The following MAP3K15 variants were observed in gnomAD, a reference collection of about 807,000 sequenced individuals.
MAP3K15 encodes the protein mitogen-activated protein kinase kinase kinase 15.
A neutral mutation model predicts 99.5 loss-of-function variants in MAP3K15; 124 were observed. The observed-to-expected ratio is 1.25, with a 90% CI of 1.08 to 1.45. The LOEUF is 1.45. Among genes scored for constraint, MAP3K15 ranks in the 40% most tolerant of loss-of-function variants. MAP3K15 has a pLI of 0.00. For synonymous variants in MAP3K15, 494 were observed against 439.6 expected (o/e 1.12, Z -1.55); for missense variants, 1,242 against 1,079.7 (o/e 1.15, Z -2.11).
At chrX:19,383,273 G>A (rs1271096351) in intron 18 of MAP3K15, among the ~76,000 whole-genome samples, 1 of 112,023 alleles carries the variant, frequency 8.9e-6, no homozygotes, top group Non-Finnish European at 1.9e-5. Context: ...TCTCTCCATG[G>A]AAATAACTGG....
At chrX:19,377,889 GA>G (rs1405463078) in intron 19 of MAP3K15, among the ~76,000 whole-genome samples, 1 of 112,410 alleles carries the variant, frequency 8.9e-6, no homozygotes, top group African/African-American at 3.2e-5. Context: ...GCAGGTATCA[GA>G]AGACTCTTGT....
chrX:19,456,792 CA>C (rs2064096441), intron 6 of MAP3K15, 120 bp downstream of exon 6: 1 of 468,266 alleles, frequency 2.1e-6, no homozygotes, highest in African/African-American at 2.4e-5. Flanking sequence ...GGACCTTGTC[CA>C]TCTTCATAAC....
chrX:19,382,986 A>G (rs774413968), intron 18 of MAP3K15, among the ~76,000 whole-genome samples: 2 of 111,877 alleles, frequency 1.8e-5, no homozygotes, highest in Non-Finnish European at 3.8e-5. Flanking sequence ...GAGGAAGCGG[A>G]GACCTGCTGT....
At chrX:19,426,124 A>G in intron 8 of MAP3K15, 107 bp downstream of exon 8, 1 of 443,532 alleles carries the variant, frequency 2.3e-6, no homozygotes. Context: ...TCTGTCTCAA[A>G]AAAAGAATAG....
intron 13 of MAP3K15, among the ~76,000 whole-genome samples, chrX:19,402,714 G>T (rs1258461425): frequency 1.8e-5 from 2 of 111,489 alleles, no homozygotes; most frequent in Non-Finnish European, 3.8e-5. Flanking sequence ...ACCTAGCCTG[G>T]AGTGCAGTGG....
intron 18 of MAP3K15, among the ~76,000 whole-genome samples, chrX:19,380,492 G>C (rs181142456): frequency 8.9e-6 from 1 of 111,775 alleles, no homozygotes; most frequent in Non-Finnish European, 1.9e-5. Flanking sequence ...ACAAATGGCA[G>C]ATGGAGTCTT....
chrX:19,429,574 T>TATCAAC (rs2063861749), intron 7 of MAP3K15, among the ~76,000 whole-genome samples: 1 of 109,780 alleles, frequency 9.1e-6, no homozygotes, highest in Non-Finnish European at 1.9e-5. Context: ...GAGTCTGAAA[T>TATCAAC]ATCAACATCA....
At chrX:19,371,678 T>A in intron 22 of MAP3K15, 148 bp from the exon 23 acceptor site, 1 of 503,700 alleles carries the variant, frequency 2.0e-6, no homozygotes, top group Non-Finnish European at 3.2e-6. Flanking sequence ...CTCCATAACC[T>A]TCCTGTCAGG....
In MAP3K15 at chrX:19,506,261, G is replaced by A. The variant is rs1335884671; in HGVS notation, c.361+8640C>T. ...ATTTTTGTATTATTAGTAGAGACGG[G>A]GTTTTGCTATGTTGACCAGGCTGCT... On this transcript the variant is annotated intron_variant, in intron 1 of 28. Transcript: ENST00000338883. 2.7e-5 allele frequency among the ~76,000 whole-genome samples: 3 copies of A among 110,754 alleles called. No individual in the cohort carries two copies. The East Asian group carries it at 8.6e-4, about 32-fold the overall frequency.
chrX:19,507,342 T>G (rs192709897), intron 1 of MAP3K15, among the ~76,000 whole-genome samples: 37 of 109,979 alleles, frequency 3.4e-4, no homozygotes, highest in African/African-American at 1.2e-3. Flanking sequence ...TTCCTGCAAC[T>G]TGCCTCAAGT....
At chrX:19,415,301 C>G (rs369112652) in intron 9 of MAP3K15, 44 bp from the exon 10 acceptor site, 46 of 1,079,921 alleles carry the variant, frequency 4.3e-5, no homozygotes, top group Non-Finnish European at 5.3e-5. Flanking sequence ...CCTAAAGAAA[C>G]TGAATTCAAT....
intron 9 of MAP3K15, among the ~76,000 whole-genome samples, chrX:19,420,024 G>C (rs2063769736): frequency 9.0e-6 from 1 of 111,544 alleles, no homozygotes; most frequent in Admixed American, 9.6e-5. Context: ...AGAATCTCTG[G>C]GACACATTCA....
chrX:19,458,820 A>G (rs1357451670), intron 5 of MAP3K15, among the ~76,000 whole-genome samples: 1 of 112,228 alleles, frequency 8.9e-6, no homozygotes, highest in African/African-American at 3.2e-5. Flanking sequence ...CATCACTTCA[A>G]TTTAAAGACT....
chrX:19,415,659 T>C (rs1304209860), intron 9 of MAP3K15, among the ~76,000 whole-genome samples: 1 of 111,402 alleles, frequency 9.0e-6, no homozygotes, highest in Admixed American at 9.6e-5. Flanking sequence ...TTGGAAAATG[T>C]TCTGGAGACG....
chrX:19,466,073 C>G (rs2064167123), intron 3 of MAP3K15, among the ~76,000 whole-genome samples: 1 of 110,544 alleles, frequency 9.0e-6, no homozygotes, highest in Admixed American at 9.7e-5. Flanking sequence ...CCTGCCTTGG[C>G]CTCCCAAAGG....
rs7059190 is a variant in MAP3K15 at position 19,471,311 on chromosome X, T to C, written c.526-6905A>G. Reference sequence around the variant, plus strand: ...TGGAGTTTCACTCTTGTTGCCCAGGTTGGAGTGCAATGGCACGATCTTGGA... The same window carrying C: ...TGGAGTTTCACTCTTGTTGCCCAGGCTGGAGTGCAATGGCACGATCTTGGA... On this transcript the variant is annotated intron_variant, in intron 3 of 28. Coordinates refer to ENST00000338883, the MANE Select transcript of MAP3K15 (RefSeq NM_001001671.4). Among the ~76,000 whole-genome samples, 590 of 109,479 alleles carry C rather than the reference T, an allele frequency of 5.4e-3. 5 individuals are homozygous for C. The highest frequency in any genetic ancestry group is 0.019 in the African/African-American group (558 of 30,151).
Position 19,415,260 on chromosome X carries a change from G to A in MAP3K15, c.1440-3C>T. On this transcript the variant is annotated splice_polypyrimidine_tract_variant and splice_region_variant and intron_variant, in intron 9 of 28. Coordinates refer to ENST00000338883, the MANE Select transcript of MAP3K15 (RefSeq NM_001001671.4). ...TCTGAACTAATGATCGCAGGTACCT[G>A]GAAAAATCACAAACAGCAATATATT... 9 of 1,158,991 alleles carry A rather than the reference G, an allele frequency of 7.8e-6. No homozygotes were observed. The highest frequency in any genetic ancestry group is 9.1e-6 in the Non-Finnish European group (8 of 874,882).
intron 11 of MAP3K15, among the ~76,000 whole-genome samples, chrX:19,411,678 G>C (rs916166955): frequency 9.1e-6 from 1 of 110,367 alleles, no homozygotes; most frequent in African/African-American, 3.3e-5. Flanking sequence ...AAGCTAAAGT[G>C]GGGGAAGAAG....
In MAP3K15 at chrX:19,444,690, C is replaced by T. The variant is rs140107515; in HGVS notation, c.995+12223G>A. ...CTACAAGAAACTAAAATTAAATTCT[C>T]CCCAGAATTCTGTACAAAACAGAAC... On this transcript the variant is annotated intron_variant, in intron 6 of 28. Coordinates refer to ENST00000338883, the MANE Select transcript of MAP3K15 (RefSeq NM_001001671.4). Among the ~76,000 whole-genome samples, 6 of 111,847 alleles carry T rather than the reference C, an allele frequency of 5.4e-5. No individual in the cohort carries two copies. The East Asian group carries it at 1.7e-3, about 31-fold the overall frequency.
Sources: gnomAD v4.1 joint callset for allele counts (sites outside exome capture counted in the v4.1 genomes callset) on GRCh38, gnomAD v4.1.1 for gene constraint, MANE v1.5 for transcripts, NCBI Gene and HGNC (gene_info 2026-07-23, HGNC 2026-07-21) for gene names.